The following RHOA variants were observed in gnomAD, a reference collection of about 807,000 sequenced individuals.
RHOA encodes ras homolog family member A, also known as transforming protein RhoA.
Under a neutral mutation model 17.5 loss-of-function variants are expected in RHOA, and 3 were observed. The observed-to-expected ratio is 0.17, with a 90% CI of 0.08 to 0.44. The LOEUF (loss-of-function observed/expected upper bound fraction) is 0.44, where lower values mean the gene tolerates loss of function less well. Ranked by LOEUF, RHOA falls within the 20% of genes least tolerant of loss-of-function variation. The pLI is 0.99. For synonymous variants in RHOA, 98 were observed against 88.4 expected, an observed-to-expected ratio of 1.11 and a Z score of -0.61; for missense variants, 56 against 242.3, an observed-to-expected ratio of 0.23 and a Z score of 5.10.
chr3:49,403,316 A>G (rs760672871), intron 1 of RHOA, among the ~76,000 whole-genome samples: 1 of 152,172 alleles, frequency 6.6e-6, no homozygotes, highest in Non-Finnish European at 1.5e-5. Flanking sequence ...CCTAGATGAC[A>G]GAATAAGACT....
intron 1 of RHOA, among the ~76,000 whole-genome samples, chr3:49,407,171 C>G (rs896909846): frequency 2.0e-5 from 3 of 149,706 alleles, no homozygotes; most frequent in African/African-American, 7.4e-5. Context: ...GAACCAATGA[C>G]TTCAAATAAA....
chr3:49,367,358 A>AAAAAAAAAAAAAAAAAAAAAAAAAC (rs1373653063), intron 3 of RHOA, among the ~76,000 whole-genome samples: 2 of 148,304 alleles, frequency 1.3e-5, no homozygotes, highest in African/African-American at 2.4e-5. Flanking sequence ...AAAAAAAAAA[A>AAAAAAAAAAAAAAAAAAAAAAAAAC]AAAAAAAAGA....
chr3:49,387,947 T>C (rs2048429524), intron 1 of RHOA, among the ~76,000 whole-genome samples: 2 of 152,046 alleles, frequency 1.3e-5, no homozygotes, highest in Non-Finnish European at 2.9e-5. Context: ...CTGTTTACTC[T>C]TACTGTTTTA....
At chr3:49,370,337 A>C (rs752127315) in intron 2 of RHOA, among the ~76,000 whole-genome samples, 5 of 152,240 alleles carry the variant, frequency 3.3e-5, no homozygotes, top group Non-Finnish European at 7.3e-5. Flanking sequence ...GTAGCTTATA[A>C]AAGTGTTTAA....
intron 1 of RHOA, among the ~76,000 whole-genome samples, chr3:49,410,803 A>G (rs1219888821): frequency 6.6e-6 from 1 of 152,210 alleles, no homozygotes; most frequent in Non-Finnish European, 1.5e-5. Flanking sequence ...ATCTACTTAC[A>G]CACCTGCAAG....
At chr3:49,399,316 G>A (rs1201172072) in intron 1 of RHOA, among the ~76,000 whole-genome samples, 1 of 151,196 alleles carries the variant, frequency 6.6e-6, no homozygotes, top group Non-Finnish European at 1.5e-5. Context: ...CTTGCAGTGA[G>A]CCGAGATCGC....
intron 1 of RHOA, among the ~76,000 whole-genome samples, chr3:49,405,035 G>A (rs1287003321): frequency 6.6e-6 from 1 of 151,184 alleles, no homozygotes; most frequent in Non-Finnish European, 1.5e-5. Flanking sequence ...ATCACCTGAG[G>A]TCAGGAGATC....
chr3:49,372,612 T>C (rs1179827191), intron 2 of RHOA, among the ~76,000 whole-genome samples: 1 of 151,556 alleles, frequency 6.6e-6, no homozygotes, highest in Non-Finnish European at 1.5e-5. Flanking sequence ...CGGGCGCCTG[T>C]AGTCCCGGCT....
At chr3:49,411,603 C>T (rs2048937702) in intron 1 of RHOA, among the ~76,000 whole-genome samples, 1 of 151,932 alleles carries the variant, frequency 6.6e-6, no homozygotes, top group East Asian at 1.9e-4. Context: ...GCACAGGAGA[C>T]TACCGGGCGC....
At chr3:49,391,550 T>C (rs556245913) in intron 1 of RHOA, among the ~76,000 whole-genome samples, 1 of 152,284 alleles carries the variant, frequency 6.6e-6, no homozygotes, top group East Asian at 1.9e-4. Flanking sequence ...ACATTGTGAC[T>C]TTCTTTTTTT....
intron 1 of RHOA, among the ~76,000 whole-genome samples, chr3:49,386,687 C>T (rs999333779): frequency 1.3e-5 from 2 of 152,194 alleles, no homozygotes; most frequent in Admixed American, 6.6e-5. Flanking sequence ...CTGAAAGACT[C>T]GATTAATTAA....
At chr3:49,389,561 AT>A (rs2048460696) in intron 1 of RHOA, among the ~76,000 whole-genome samples, 1 of 152,168 alleles carries the variant, frequency 6.6e-6, no homozygotes, top group South Asian at 2.1e-4. Context: ...AAAAAGAGTC[AT>A]GACACTTCTT....
intron 1 of RHOA, among the ~76,000 whole-genome samples, chr3:49,408,273 T>C (rs1022459641): frequency 6.6e-6 from 1 of 150,804 alleles, no homozygotes; most frequent in Non-Finnish European, 1.5e-5. Context: ...TATACACGTA[T>C]ATACGTATAC....
intron 1 of RHOA, chr3:49,406,743 G>A (rs1038434091): frequency 1.3e-5 from 2 of 151,878 alleles, no homozygotes; most frequent in Non-Finnish European, 2.9e-5. Flanking sequence ...GGAGGCTGAG[G>A]CAGGAGGACA....
At chr3:49,395,925 G>A (rs1253188969) in intron 1 of RHOA, among the ~76,000 whole-genome samples, 1 of 152,074 alleles carries the variant, frequency 6.6e-6, no homozygotes, top group Non-Finnish European at 1.5e-5. Flanking sequence ...AAATATCAGT[G>A]CCCAGGTAAG....
rs1171548347 is a variant in RHOA at position 49,364,211 on chromosome 3, C to T, written c.278-1585G>A. Among the ~76,000 whole-genome samples the T allele has an allele frequency of 2.0e-5, 3 of 151,974 alleles. No homozygotes were observed. In the East Asian group the frequency reaches 5.8e-4, roughly 29 times the overall value. Reference sequence around the variant, plus strand: ...TTAAAAATACAAAAAGATTGCCAGGCGCAGTGGTTCATGCCTATAATCCCA... The same window carrying T: ...TTAAAAATACAAAAAGATTGCCAGGTGCAGTGGTTCATGCCTATAATCCCA... On this transcript the variant is annotated intron_variant, in intron 3 of 4. Coordinates refer to ENST00000418115, the MANE Select transcript of RHOA (RefSeq NM_001664.4).
intron 1 of RHOA, among the ~76,000 whole-genome samples, chr3:49,408,815 C>T (rs1559522355): frequency 6.8e-6 from 1 of 146,140 alleles, no homozygotes; most frequent in Non-Finnish European, 1.5e-5. Flanking sequence ...TTTTTTGAGA[C>T]GGAGTCTCGC....
chr3:49,372,499 G>A (rs1184625615), intron 2 of RHOA, among the ~76,000 whole-genome samples: 1 of 152,132 alleles, frequency 6.6e-6, no homozygotes, highest in Non-Finnish European at 1.5e-5. Context: ...CCAGCACTTT[G>A]GGAGGCAGGC....
At chr3:49,375,100 A>G (rs1185314063) in intron 2 of RHOA, among the ~76,000 whole-genome samples, 1 of 151,986 alleles carries the variant, frequency 6.6e-6, no homozygotes, top group African/African-American at 2.4e-5. Context: ...CATCTCTACT[A>G]AACGAAAAAT....
Sources: gnomAD v4.1 joint callset for allele counts (sites outside exome capture counted in the v4.1 genomes callset) on GRCh38, gnomAD v4.1.1 for gene constraint, MANE v1.5 for transcripts, NCBI Gene and HGNC (gene_info 2026-07-23, HGNC 2026-07-21) for gene names.